CADPS: variants seen among roughly 807,000 people sequenced by gnomAD.
CADPS encodes calcium-dependent secretion activator 1.
Under a neutral mutation model 167.3 loss-of-function variants are expected in CADPS, and 57 were observed. The ratio of observed to expected loss-of-function variants is 0.34; its 90% CI spans 0.28 to 0.42. The LOEUF is 0.42. CADPS is among the 20% of genes least tolerant of loss of function. The probability of loss-of-function intolerance (pLI) is 1.00; values close to 1 mark genes in which losing one functional copy is unlikely to be tolerated. For missense variants in CADPS, 1,414 were observed against 1,738.1 expected, an observed-to-expected ratio of 0.81 and a Z score of 3.32; for synonymous variants, 676 against 635.3, an observed-to-expected ratio of 1.06 and a Z score of -0.96.
chr3:62,497,689 A>G (rs1007959173), intron 18 of CADPS, among the ~76,000 whole-genome samples: 4 of 152,168 alleles, frequency 2.6e-5, no homozygotes, highest in Non-Finnish European at 5.9e-5. Context: ...GTTTTCAGGG[A>G]AAAAAATTCT....
At chr3:62,804,733 T>C (rs565610509) in intron 1 of CADPS, among the ~76,000 whole-genome samples, 4 of 152,182 alleles carry the variant, frequency 2.6e-5, no homozygotes, top group Non-Finnish European at 5.9e-5. Flanking sequence ...TGGGAGGCTG[T>C]AGTTCAGATT....
At chr3:62,507,401 G>A (rs977307454) in intron 17 of CADPS, among the ~76,000 whole-genome samples, 3 of 151,698 alleles carry the variant, frequency 2.0e-5, no homozygotes, top group African/African-American at 7.3e-5. Flanking sequence ...CTTGTTTCAT[G>A]TCTCTGTTTT....
intron 26 of CADPS, among the ~76,000 whole-genome samples, chr3:62,456,884 C>T (rs889954443): frequency 6.6e-6 from 1 of 152,020 alleles, no homozygotes; most frequent in Non-Finnish European, 1.5e-5. Context: ...ACATCCCTAA[C>T]TTCGAACATA....
intron 24 of CADPS, among the ~76,000 whole-genome samples, chr3:62,467,114 C>G (rs1285053403): frequency 6.6e-6 from 1 of 152,082 alleles, no homozygotes; most frequent in African/African-American, 2.4e-5. Context: ...GACAAACCCC[C>G]ACACAAATAA....
At chr3:62,415,539 A>G (rs1376090036) in intron 28 of CADPS, among the ~76,000 whole-genome samples, 3 of 152,118 alleles carry the variant, frequency 2.0e-5, no homozygotes, top group Non-Finnish European at 4.4e-5. Flanking sequence ...AAAAGCTGAC[A>G]TGCTCGTAGC....
rs1294322259 is a variant in CADPS at position 62,550,505 on chromosome 3, G to A, written c.1754-390C>T. 7.0e-4 allele frequency among the ~76,000 whole-genome samples: 106 copies of A among 152,090 alleles called. 2 individuals carry two copies. Among genetic ancestry groups the A allele is most frequent in the Non-Finnish European group, 5.9e-5 (4 of 68,002 alleles). ...TATTGTTCTTCTCTTTACAACGAAAGGGAAATCTCTACCAAGGCTTTTCCA... is the reference window on the plus strand; with the variant it reads ...TATTGTTCTTCTCTTTACAACGAAAAGGAAATCTCTACCAAGGCTTTTCCA... On this transcript the variant is annotated intron_variant, in intron 10 of 29. Transcript: ENST00000383710.
intron 3 of CADPS, among the ~76,000 whole-genome samples, chr3:62,742,764 A>C (rs2080554819): frequency 6.6e-6 from 1 of 152,230 alleles, no homozygotes; most frequent in Non-Finnish European, 1.5e-5. Flanking sequence ...CAAAAGCAAA[A>C]ATTGACAAAT....
intron 6 of CADPS, among the ~76,000 whole-genome samples, chr3:62,630,286 A>C (rs2065036181): frequency 6.6e-6 from 1 of 152,146 alleles, no homozygotes; most frequent in Non-Finnish European, 1.5e-5. Context: ...ACAGTCTTTA[A>C]TTTGGTTGAA....
chr3:62,593,012 T>G (rs531782913), intron 6 of CADPS, among the ~76,000 whole-genome samples: 2 of 152,342 alleles, frequency 1.3e-5, no homozygotes, highest in East Asian at 3.9e-4. Flanking sequence ...AAACTCATGT[T>G]GGTGAGAACT....
intron 26 of CADPS, among the ~76,000 whole-genome samples, chr3:62,459,630 C>T (rs1413231766): frequency 6.6e-6 from 1 of 152,184 alleles, no homozygotes; most frequent in Admixed American, 6.5e-5. Flanking sequence ...GAGGTTGGGT[C>T]CCTTTGGTCC....
chr3:62,709,407 A>G (rs1027615486), intron 3 of CADPS, among the ~76,000 whole-genome samples: 1 of 152,122 alleles, frequency 6.6e-6, no homozygotes, highest in Non-Finnish European at 1.5e-5. Flanking sequence ...ACCTTGGACA[A>G]TATTTTTGTT....
chr3:62,558,431 G>A (rs914660596), intron 9 of CADPS, among the ~76,000 whole-genome samples: 1 of 152,220 alleles, frequency 6.6e-6, no homozygotes, highest in African/African-American at 2.4e-5. Context: ...CATCCTCCTA[G>A]CTTTGGGCTA....
At chr3:62,737,206 C>T (rs1707669) in intron 3 of CADPS, among the ~76,000 whole-genome samples, 49,217 of 151,714 alleles carry the variant, frequency 0.32, 8,715 homozygotes, top group African/African-American at 0.47. Flanking sequence ...ATCAGTCATA[C>T]AGGAAGCCAA....
intron 17 of CADPS, among the ~76,000 whole-genome samples, chr3:62,509,942 C>T (rs2067424461): frequency 1.3e-5 from 2 of 152,158 alleles, no homozygotes; most frequent in Non-Finnish European, 2.9e-5. Flanking sequence ...TACTTATCCT[C>T]ACTGAATCAC....
At chr3:62,620,052 T>C (rs1026287621) in intron 6 of CADPS, among the ~76,000 whole-genome samples, 2 of 152,126 alleles carry the variant, frequency 1.3e-5, no homozygotes, top group Non-Finnish European at 2.9e-5. Context: ...AAAAGGACAT[T>C]CATTATTTAT....
At chr3:62,819,527 C>T (rs575889674) in intron 1 of CADPS, among the ~76,000 whole-genome samples, 1 of 151,902 alleles carries the variant, frequency 6.6e-6, no homozygotes, top group Non-Finnish European at 1.5e-5. Flanking sequence ...CCCCCTTCAT[C>T]CGCTTATGAG....
chr3:62,554,443 G>A (rs1388618495), intron 10 of CADPS, among the ~76,000 whole-genome samples: 1 of 152,122 alleles, frequency 6.6e-6, no homozygotes, highest in East Asian at 1.9e-4. Context: ...GGCCACAAGG[G>A]TTCTTAGCAC....
chr3:62,760,768 G>A (rs1348825595), intron 2 of CADPS, among the ~76,000 whole-genome samples: 2 of 152,112 alleles, frequency 1.3e-5, no homozygotes, highest in East Asian at 1.9e-4. Context: ...TAGCCAGTGT[G>A]ACCTGATTTA....
chr3:62,772,908 A>G (rs976172706), intron 1 of CADPS, among the ~76,000 whole-genome samples: 2 of 152,220 alleles, frequency 1.3e-5, no homozygotes, highest in African/African-American at 4.8e-5. Context: ...ATACACATAA[A>G]TTAGGTCCTT....
Sources: allele counts gnomAD v4.1 joint callset (sites outside exome capture counted in the v4.1 genomes callset), GRCh38; gene constraint gnomAD v4.1.1; transcripts MANE v1.5; gene names NCBI Gene and HGNC (gene_info 2026-07-23, HGNC 2026-07-21).